NRXN1: variants seen among roughly 807,000 people sequenced by gnomAD.
The protein encoded by NRXN1 is neurexin-1.
Under a neutral mutation model 150.9 loss-of-function variants are expected in NRXN1, and 39 were observed. The ratio of observed to expected loss-of-function variants is 0.26; its 90% CI spans 0.20 to 0.34. The LOEUF (loss-of-function observed/expected upper bound fraction) is 0.34, where lower values mean the gene tolerates loss of function less well. Among genes scored for constraint, NRXN1 ranks in the 10% least tolerant of loss-of-function variants. NRXN1 has a pLI of 1.00. For missense variants in NRXN1, 1,815 were observed against 1,949.9 expected, an observed-to-expected ratio of 0.93 and a Z score of 1.30; for synonymous variants, 924 against 757.0, an observed-to-expected ratio of 1.22 and a Z score of -3.62.
intron 17 of NRXN1, among the ~76,000 whole-genome samples, chr2:50,276,693 G>C (rs1399948514): frequency 1.3e-5 from 2 of 152,122 alleles, no homozygotes; most frequent in East Asian, 1.9e-4. Flanking sequence ...GCGAAAACTT[G>C]ACAACATTGT....
chr2:50,597,135 G>A lies in NRXN1; in HGVS notation c.1320+22887C>T, dbSNP rs147547859. Among the ~76,000 whole-genome samples, 8 of 152,210 alleles carry A rather than the reference G, an allele frequency of 5.3e-5. No individual in the cohort carries two copies. In the East Asian group the frequency reaches 9.7e-4, roughly 18 times the overall value. On this transcript the variant is annotated intron_variant, in intron 8 of 22. Transcript: ENST00000401669. Reference sequence around the variant, plus strand: ...GCTAGGATTTCAGGAACGAGTCACCGTGCCCGGTGGGACATGCTTCTTAAT... The same window carrying A: ...GCTAGGATTTCAGGAACGAGTCACCATGCCCGGTGGGACATGCTTCTTAAT...
At chr2:50,666,885 G>GTGTT (rs1688121079) in intron 5 of NRXN1, among the ~76,000 whole-genome samples, 1 of 151,004 alleles carries the variant, frequency 6.6e-6, no homozygotes, top group South Asian at 2.1e-4. Flanking sequence ...GATGATGTGT[G>GTGTT]TGTGTGTGTG....
intron 17 of NRXN1, among the ~76,000 whole-genome samples, chr2:50,436,721 G>T (rs967819358): frequency 2.0e-5 from 3 of 152,092 alleles, no homozygotes; most frequent in Non-Finnish European, 4.4e-5. Context: ...TTTCAGCAAT[G>T]CTCATCATAT....
chr2:50,167,290 G>A (rs2059746768), intron 18 of NRXN1, among the ~76,000 whole-genome samples: 1 of 152,030 alleles, frequency 6.6e-6, no homozygotes, highest in Non-Finnish European at 1.5e-5. Context: ...TATATCTCTA[G>A]GGAATAAGAT....
intron 22 of NRXN1, among the ~76,000 whole-genome samples, chr2:49,937,428 T>C (rs932873454): frequency 1.1e-4 from 17 of 152,204 alleles, no homozygotes; most frequent in African/African-American, 4.1e-4. Flanking sequence ...CATTACTGCC[T>C]TCAGAAAAGC....
intron 21 of NRXN1, among the ~76,000 whole-genome samples, chr2:49,954,409 T>G (rs1385219929): frequency 6.6e-6 from 1 of 152,116 alleles, no homozygotes; most frequent in East Asian, 1.9e-4. Flanking sequence ...ATACTTGAGC[T>G]CTCTCTAAAT....
At position 50,903,327 on chromosome 2, in the gene NRXN1, A is replaced by C. The variant is rs536897550; in HGVS notation, c.832+18542T>G. ...TTGTTGACCAAAATGACTTTTCTTC[A>C]ATCTAAACCATACTGAAGCTGAATT... On this transcript the variant is annotated intron_variant, in intron 5 of 22. Transcript: ENST00000401669. Among the ~76,000 whole-genome samples, 58 of 152,280 alleles carry C rather than the reference A, an allele frequency of 3.8e-4. 1 individual carries two copies. Among genetic ancestry groups the C allele is most frequent in the Admixed American group, 1.4e-3 (21 of 15,296 alleles).
chr2:50,985,099 C>G (rs964650764), intron 2 of NRXN1, among the ~76,000 whole-genome samples: 1 of 151,704 alleles, frequency 6.6e-6, no homozygotes, highest in Non-Finnish European at 1.5e-5. Flanking sequence ...TGAGGGCTAT[C>G]TTAAAAATAT....
intron 2 of NRXN1, 35 bp downstream of exon 2, chr2:51,027,467 G>A: frequency 6.7e-7 from 1 of 1,483,186 alleles, no homozygotes; most frequent in Non-Finnish European, 8.9e-7. Flanking sequence ...CCCCGCCCAG[G>A]CCCCGGCCCC....
At chr2:50,653,313 G>GAA in intron 5 of NRXN1, among the ~76,000 whole-genome samples, 1 of 152,154 alleles carries the variant, frequency 6.6e-6, no homozygotes, top group East Asian at 1.9e-4. Flanking sequence ...CATGCCCATA[G>GAA]AAAAGGAAGT....
intron 2 of NRXN1, among the ~76,000 whole-genome samples, chr2:50,993,976 C>T (rs1698914658): frequency 6.6e-6 from 1 of 151,986 alleles, no homozygotes; most frequent in Non-Finnish European, 1.5e-5. Context: ...CTTTCCAGAA[C>T]ACTCACTTCC....
chr2:50,880,297 T>G (rs998573830), intron 5 of NRXN1, among the ~76,000 whole-genome samples: 1 of 151,996 alleles, frequency 6.6e-6, no homozygotes, highest in African/African-American at 2.4e-5. Context: ...TTTGATTTCT[T>G]TTCTAACCAA....
chr2:50,297,847 T>A (rs561627158), intron 17 of NRXN1, among the ~76,000 whole-genome samples: 1 of 152,216 alleles, frequency 6.6e-6, no homozygotes, highest in Admixed American at 6.5e-5. Context: ...TAAAATGGGT[T>A]TTAAAGGATG....
At chr2:50,591,832 G>A (rs536553197) in intron 8 of NRXN1, among the ~76,000 whole-genome samples, 71 of 152,342 alleles carry the variant, frequency 4.7e-4, no homozygotes, top group African/African-American at 1.2e-3. Flanking sequence ...GCCCTTCAGC[G>A]AAGATTTCGG....
chr2:50,574,352 A>T (rs973087720), intron 8 of NRXN1, among the ~76,000 whole-genome samples: 2 of 152,098 alleles, frequency 1.3e-5, no homozygotes, highest in Non-Finnish European at 2.9e-5. Flanking sequence ...AAAAAAAAAA[A>T]TCTGAATTGA....
chr2:50,097,056 A>C (rs2152704860), intron 18 of NRXN1, among the ~76,000 whole-genome samples: 1 of 152,350 alleles, frequency 6.6e-6, no homozygotes, highest in Admixed American at 6.5e-5. Flanking sequence ...TACATGTGGC[A>C]TACAGACATG....
chr2:50,985,549 A>G (rs931911616), intron 2 of NRXN1: 4 of 151,876 alleles, frequency 2.6e-5, no homozygotes. Context: ...GAACTCAGAA[A>G]TATTAATATC....
intron 5 of NRXN1, among the ~76,000 whole-genome samples, chr2:50,888,007 T>C (rs1467954671): frequency 2.0e-5 from 3 of 150,372 alleles, no homozygotes; most frequent in African/African-American, 4.9e-5. Context: ...GTATAATCAG[T>C]GGTATTTTCA....
At chr2:50,645,696 C>T (rs964954708) in intron 5 of NRXN1, among the ~76,000 whole-genome samples, 5 of 151,822 alleles carry the variant, frequency 3.3e-5, no homozygotes, top group African/African-American at 7.3e-5. Context: ...TAAGATCAGA[C>T]CAAATAAGCC....
Sources: allele counts gnomAD v4.1 joint callset (sites outside exome capture counted in the v4.1 genomes callset), GRCh38; gene constraint gnomAD v4.1.1; transcripts MANE v1.5; gene names NCBI Gene and HGNC (gene_info 2026-07-23, HGNC 2026-07-21).